Variants in FAR2 observed in about 807,000 individuals in gnomAD.
The protein encoded by FAR2 is epididymis secretory protein Li 81.
A neutral mutation model predicts 56.0 loss-of-function variants in FAR2; 19 were observed. The ratio of observed to expected loss-of-function variants is 0.34; its 90% CI spans 0.24 to 0.50. The LOEUF is 0.50. FAR2 is among the 20% of genes least tolerant of loss of function. The pLI, the probability that FAR2 is intolerant of heterozygous loss-of-function variation, is 0.98. For missense variants in FAR2, 508 were observed against 642.2 expected (o/e 0.79, Z 2.26); for synonymous variants, 219 against 218.8 (o/e 1.00, Z -0.01).
At chr12:29,265,122 A>G (rs752513505) in intron 1 of FAR2, among the ~76,000 whole-genome samples, 10 of 152,228 alleles carry the variant, frequency 6.6e-5, no homozygotes, top group Non-Finnish European at 1.0e-4. Context: ...TACAGATTCA[A>G]TGCCATCCTT....
intron 4 of FAR2, among the ~76,000 whole-genome samples, chr12:29,304,375 T>A (rs568047551): frequency 6.6e-6 from 1 of 152,200 alleles, no homozygotes; most frequent in South Asian, 2.1e-4. Flanking sequence ...ATCCCTGATC[T>A]TCTGGACTCA....
chr12:29,260,680 G>A (rs929533102), intron 1 of FAR2, among the ~76,000 whole-genome samples: 2 of 152,136 alleles, frequency 1.3e-5, no homozygotes, highest in Non-Finnish European at 2.9e-5. Flanking sequence ...GTAGAAAAGA[G>A]CATCAAGTTA....
At chr12:29,156,273 T>C (rs1251908219) in intron 1 of FAR2, among the ~76,000 whole-genome samples, 2 of 152,246 alleles carry the variant, frequency 1.3e-5, no homozygotes, top group Non-Finnish European at 2.9e-5. Flanking sequence ...AAGTGATGGC[T>C]ACTGTATCCT....
intron 4 of FAR2, among the ~76,000 whole-genome samples, chr12:29,297,863 A>G (rs1949096420): frequency 6.6e-6 from 1 of 152,094 alleles, no homozygotes; most frequent in Admixed American, 6.5e-5. Context: ...CTAAAATACA[A>G]AAATTAGCTG....
chr12:29,238,090 G>A (rs1947968331), intron 1 of FAR2, among the ~76,000 whole-genome samples: 2 of 152,090 alleles, frequency 1.3e-5, no homozygotes, highest in South Asian at 4.1e-4. Flanking sequence ...ACATTGCACT[G>A]CAGTTTAAGA....
At chr12:29,234,934 C>G (rs1465396043) in intron 1 of FAR2, among the ~76,000 whole-genome samples, 1 of 152,122 alleles carries the variant, frequency 6.6e-6, no homozygotes, top group Non-Finnish European at 1.5e-5. Flanking sequence ...TTATTCATCA[C>G]GCATATATCA....
intron 1 of FAR2, among the ~76,000 whole-genome samples, chr12:29,260,701 G>T (rs1229511872): frequency 1.3e-5 from 2 of 152,104 alleles, no homozygotes; most frequent in East Asian, 1.9e-4. Context: ...AATTCTTAAG[G>T]TTCCTGTCTC....
chr12:29,159,251 A>T (rs1403276581), intron 1 of FAR2, among the ~76,000 whole-genome samples: 1 of 152,116 alleles, frequency 6.6e-6, no homozygotes, highest in Admixed American at 6.5e-5. Flanking sequence ...TAAGAGTAAG[A>T]TGGGAGGCCG....
intron 9 of FAR2, 89 bp from the exon 10 acceptor site, chr12:29,321,706 A>G (rs2136812343): frequency 3.4e-6 from 5 of 1,452,808 alleles, no homozygotes; most frequent in Non-Finnish European, 3.7e-6. Context: ...TAATTTTTGT[A>G]TTTTCTTAAA....
intron 1 of FAR2, among the ~76,000 whole-genome samples, chr12:29,227,020 A>G (rs1217072250): frequency 6.6e-6 from 1 of 152,228 alleles, no homozygotes; most frequent in African/African-American, 2.4e-5. Flanking sequence ...CTTTTAAAAA[A>G]TAATGGGATT....
chr12:29,169,701 T>C (rs1478617025), intron 1 of FAR2, among the ~76,000 whole-genome samples: 1 of 152,186 alleles, frequency 6.6e-6, no homozygotes, highest in Non-Finnish European at 1.5e-5. Flanking sequence ...TTTTGGAGAG[T>C]CACTGCTGCC....
chr12:29,165,316 A>G (rs969274771), intron 1 of FAR2, among the ~76,000 whole-genome samples: 16 of 152,228 alleles, frequency 1.1e-4, no homozygotes, highest in African/African-American at 3.9e-4. Context: ...TCAGAATTAC[A>G]AATTATGGCT....
chr12:29,250,566 A>AAAT (rs1485589260), intron 1 of FAR2, among the ~76,000 whole-genome samples: 3 of 152,198 alleles, frequency 2.0e-5, no homozygotes, highest in African/African-American at 7.2e-5. Flanking sequence ...GACGGTCTAG[A>AAAT]AATAGAATAA....
intron 1 of FAR2, among the ~76,000 whole-genome samples, chr12:29,183,889 C>T (rs573647681): frequency 6.6e-6 from 1 of 152,096 alleles, no homozygotes; most frequent in Admixed American, 6.5e-5. Context: ...TTACTAGATG[C>T]CTTCAGATTT....
chr12:29,263,693 G>C (rs753739677), intron 1 of FAR2, among the ~76,000 whole-genome samples: 12 of 142,314 alleles, frequency 8.4e-5, no homozygotes, highest in Non-Finnish European at 1.9e-4. Flanking sequence ...CATGTACAAC[G>C]TACTAAGAAT....
intron 1 of FAR2, among the ~76,000 whole-genome samples, chr12:29,205,634 T>G (rs7301408): frequency 0.53 from 80,753 of 151,922 alleles, 21,686 homozygotes; most frequent in Admixed American, 0.63. Context: ...TCATGGTCCT[T>G]TAAATCTGGA....
intron 1 of FAR2, among the ~76,000 whole-genome samples, chr12:29,181,699 G>C (rs528066127): frequency 6.6e-6 from 1 of 152,328 alleles, no homozygotes; most frequent in Admixed American, 6.5e-5. Context: ...GCCCATCTGG[G>C]CTCTAAGTTG....
At chr12:29,270,669 G>A (rs1565498103) in intron 2 of FAR2, 31 bp downstream of exon 2, 4 of 1,561,304 alleles carry the variant, frequency 2.6e-6, no homozygotes, top group Admixed American at 3.5e-5. Context: ...TGTGTGATGG[G>A]CAATGCCTTA....
chr12:29,162,593 A>G (rs1307843506), intron 1 of FAR2, among the ~76,000 whole-genome samples: 1 of 152,228 alleles, frequency 6.6e-6, no homozygotes, highest in African/African-American at 2.4e-5. Flanking sequence ...CTAAAAAATC[A>G]AAGTATACAA....
Sources: allele counts gnomAD v4.1 joint callset (sites outside exome capture counted in the v4.1 genomes callset), GRCh38; gene constraint gnomAD v4.1.1; transcripts MANE v1.5; gene names NCBI Gene and HGNC (gene_info 2026-07-23, HGNC 2026-07-21).